SLIT1: variants seen among roughly 807,000 people sequenced by gnomAD.
SLIT1 encodes the protein slit homolog 1 protein.
Under a neutral mutation model 186.1 loss-of-function variants are expected in SLIT1, and 66 were observed. The ratio of observed to expected loss-of-function variants is 0.35; its 90% confidence interval spans 0.29 to 0.44. The LOEUF (loss-of-function observed/expected upper bound fraction) is 0.44. Among genes scored for constraint, SLIT1 ranks in the 20% least tolerant of loss-of-function variants. The pLI, the probability that SLIT1 is intolerant of heterozygous loss-of-function variation, is 1.00. For synonymous variants in SLIT1, 761 were observed against 833.8 expected (o/e 0.91, Z 1.50); for missense variants, 1,638 against 2,037.4 (o/e 0.80, Z 3.77).
rs183672267 is a variant in SLIT1, at chr10:97,025,051, C to A, written c.2583-3638G>T. ...TTGGGAGGCTGAGGCAGGCAGATCA[C>A]CTGAGGTCAGGAGTTCAAGACCAGC... is the stretch of plus-strand genomic sequence containing the variant. On this transcript the variant is annotated intron_variant, in intron 25 of 36. Transcript: ENST00000266058. 1.9e-4 allele frequency among the ~76,000 whole-genome samples: 29 copies of A among 152,330 alleles called. 1 individual carries two copies. The highest frequency in any genetic ancestry group is 5.5e-4 in the African/African-American group (23 of 41,576).
In SLIT1 at chr10:97,042,945, A is replaced by G. The variant is rs753642140; in HGVS notation, c.2120T>C (p.Ile707Thr). The change falls in exon 20 of 37, where the codon ATT (isoleucine) becomes ACT (threonine). Residue 707 changes from isoleucine (I) to threonine (T), a missense_variant. Coordinates refer to ENST00000266058, the MANE Select transcript of SLIT1 (RefSeq NM_003061.3). ...RCQNPDFLRQ[I>T]PLQDVAFPDF... ...AGGGAAGGCCACGTCCTGCAGGGGA[A>G]TCTGCCGCAAAAAGTCAGGGTTCTG... 1 of 1,614,228 alleles carries G rather than the reference A, an allele frequency of 6.2e-7. No individual in the cohort carries two copies. Among genetic ancestry groups the G allele is most frequent in the Admixed American group, 1.7e-5 (1 of 60,032 alleles).
chr10:97,155,626 G>T (rs918051409), intron 4 of SLIT1, among the ~76,000 whole-genome samples: 3 of 152,174 alleles, frequency 2.0e-5, no homozygotes, highest in African/African-American at 7.2e-5. Flanking sequence ...GGCACCCAGA[G>T]CTTGACGGCA....
intron 4 of SLIT1, chr10:97,101,411 G>A (rs1052949102): frequency 1.3e-5 from 2 of 152,230 alleles, no homozygotes; most frequent in Non-Finnish European, 2.9e-5. Flanking sequence ...AACCCCTAGT[G>A]GCGGAGTGCT....
chr10:97,110,974 T>A (rs1241851861), intron 4 of SLIT1, among the ~76,000 whole-genome samples: 1 of 152,186 alleles, frequency 6.6e-6, no homozygotes, highest in Non-Finnish European at 1.5e-5. Flanking sequence ...ATAAATCACC[T>A]GAGGTCAGGA....
In SLIT1 at chr10:96,999,754, T is replaced by A. The variant is rs1180990427; in HGVS notation, c.*1358A>T. 6.6e-6 allele frequency: 1 copy of A among 152,628 alleles called. No individual in the cohort carries two copies. The highest frequency in any genetic ancestry group is 1.5e-5 in the Non-Finnish European group (1 of 68,390). The allele number at this position is 152,628 out of a possible 1,614,324, so 9.5% of individuals were successfully genotyped here. On this transcript the variant is annotated 3_prime_UTR_variant, in exon 37 of 37. Coordinates refer to ENST00000266058, the MANE Select transcript of SLIT1 (RefSeq NM_003061.3). ...CACTGGCTCCTTCGTTGCCAGCAAC[T>A]CCCTGGCCTGGGCCGCTGTCTGTGG...
rs1490558490 is a variant in SLIT1, at chr10:97,010,782, G to T, written c.3341+211C>A. ...CACCTCTCATGCCCTCCACCAAACA[G>T]GTTAGGGGTCCTCTGCCTAGGCCCT... On this transcript the variant is annotated intron_variant, in intron 31 of 36. Coordinates refer to ENST00000266058, the MANE Select transcript of SLIT1 (RefSeq NM_003061.3). The surrounding 1 kb of genome is among the most constrained non-coding windows in gnomAD (Gnocchi z 4.8). Among the ~76,000 whole-genome samples the T allele has an allele frequency of 6.6e-6, 1 of 152,198 alleles. No individual in the cohort carries two copies. Among genetic ancestry groups the T allele is most frequent in the East Asian group, 1.9e-4 (1 of 5,190 alleles).
At chr10:97,042,420 C>A (rs182789779) in intron 20 of SLIT1, among the ~76,000 whole-genome samples, 1 of 152,134 alleles carries the variant, frequency 6.6e-6, no homozygotes, top group African/African-American at 2.4e-5. Flanking sequence ...ATGGGGCTAC[C>A]CTGAGAAGTC....
intron 21 of SLIT1, among the ~76,000 whole-genome samples, chr10:97,038,831 C>G (rs1007364020): frequency 3.3e-5 from 5 of 152,200 alleles, no homozygotes; most frequent in African/African-American, 1.2e-4. Context: ...AGTCCTCGTC[C>G]ACATACCCAA....
intron 13 of SLIT1, among the ~76,000 whole-genome samples, chr10:97,054,138 G>A (rs751088642): frequency 3.4e-4 from 52 of 151,738 alleles, no homozygotes; most frequent in Admixed American, 3.3e-4. Flanking sequence ...GGCAGAAGGC[G>A]AAGCAAGACT....
chr10:97,061,784 G>T (rs1848895902), intron 8 of SLIT1, among the ~76,000 whole-genome samples: 1 of 152,226 alleles, frequency 6.6e-6, no homozygotes, highest in African/African-American at 2.4e-5. Flanking sequence ...CCTAGTAGGA[G>T]TTGGAGGGTC....
At chr10:97,050,499 C>T (rs573296461) in intron 13 of SLIT1, among the ~76,000 whole-genome samples, 11 of 152,360 alleles carry the variant, frequency 7.2e-5, no homozygotes, top group African/African-American at 2.6e-4. Flanking sequence ...CTCAGCTCCA[C>T]CAGGTGGACC....
intron 1 of SLIT1, among the ~76,000 whole-genome samples, chr10:97,167,917 G>A (rs538199647): frequency 2.6e-5 from 4 of 152,268 alleles, no homozygotes; most frequent in Admixed American, 2.6e-4. Context: ...AGTTTCCTGA[G>A]GCCTCCCCAG....
chr10:97,142,309 C>G (rs541586611), intron 4 of SLIT1, among the ~76,000 whole-genome samples: 1 of 152,246 alleles, frequency 6.6e-6, no homozygotes, highest in South Asian at 2.1e-4. Flanking sequence ...ATAGAATAGA[C>G]AGCCCAAAAA....
intron 11 of SLIT1, among the ~76,000 whole-genome samples, 167 bp downstream of exon 11, chr10:97,059,291 CAA>C (rs940362524): frequency 6.6e-6 from 1 of 152,232 alleles, no homozygotes; most frequent in African/African-American, 2.4e-5. Flanking sequence ...GCTGGAACAG[CAA>C]ACCCTTTGCA....
At chr10:97,122,764 C>T (rs142500909) in intron 4 of SLIT1, among the ~76,000 whole-genome samples, 1 of 152,180 alleles carries the variant, frequency 6.6e-6, no homozygotes, top group Non-Finnish European at 1.5e-5. Flanking sequence ...AGCTCCTTGT[C>T]CAGAAGCTGC....
intron 4 of SLIT1, among the ~76,000 whole-genome samples, chr10:97,067,722 T>C (rs1410984269): frequency 3.3e-5 from 5 of 152,088 alleles, no homozygotes; most frequent in Non-Finnish European, 7.4e-5. Flanking sequence ...CCCCAGAGCC[T>C]TGCCCCAGAC....
chr10:97,152,716 A>G (rs1283663884), intron 4 of SLIT1, among the ~76,000 whole-genome samples: 2 of 152,242 alleles, frequency 1.3e-5, no homozygotes, highest in Admixed American at 1.3e-4. Context: ...CTTAAAGAAC[A>G]TCTGAGACAC....
intron 4 of SLIT1, among the ~76,000 whole-genome samples, chr10:97,080,912 G>A (rs749576218): frequency 7.2e-5 from 11 of 152,210 alleles, no homozygotes; most frequent in Non-Finnish European, 1.3e-4. Flanking sequence ...CGGGCTTATG[G>A]CCTGGTACCT....
In SLIT1 at chr10:97,006,229, A is replaced by G. The variant is rs575166142; in HGVS notation, c.3579+254T>C. ...GAAATGGTGGGAAGGGATGATGGCA[A>G]GCCTGGTTTTCTGGATTCAGTTACC... On this transcript the variant is annotated intron_variant, in intron 32 of 36. Coordinates refer to ENST00000266058, the MANE Select transcript of SLIT1 (RefSeq NM_003061.3). The surrounding 1 kb of genome is among the most constrained non-coding windows in gnomAD (Gnocchi z 4.0). 2.6e-5 allele frequency among the ~76,000 whole-genome samples: 4 copies of G among 152,226 alleles called. No homozygotes were observed. Among genetic ancestry groups the G allele is most frequent in the Non-Finnish European group, 5.9e-5 (4 of 68,038 alleles).
Sources: gnomAD v4.1 joint callset for allele counts (sites outside exome capture counted in the v4.1 genomes callset) on GRCh38, gnomAD v4.1.1 for gene constraint, Gnocchi (gnomAD v3.1) non-coding constraint, MANE v1.5 for transcripts, NCBI Gene and HGNC (gene_info 2026-07-23, HGNC 2026-07-21) for gene names.